The following BNC2 variants were observed in gnomAD, a reference collection of about 807,000 sequenced individuals.
BNC2 encodes the protein zinc finger protein basonuclin-2.
Under a neutral mutation model 76.3 loss-of-function variants are expected in BNC2, and 20 were observed. That is an observed-to-expected ratio of 0.26 (90% CI 0.18 to 0.38). The LOEUF (loss-of-function observed/expected upper bound fraction) is 0.38, where lower values mean the gene tolerates loss of function less well. BNC2 is among the 10% of genes least tolerant of loss of function. BNC2 has a pLI of 1.00. For missense variants in BNC2, 1,382 were observed against 1,399.8 expected, an observed-to-expected ratio of 0.99 and a Z score of 0.20; for synonymous variants, 582 against 514.8, an observed-to-expected ratio of 1.13 and a Z score of -1.77.
chr9:16,457,942 A>T (rs188779499), intron 5 of BNC2, among the ~76,000 whole-genome samples: 83 of 152,110 alleles, frequency 5.5e-4, no homozygotes, highest in African/African-American at 1.8e-3. Flanking sequence ...ACATAAAGAG[A>T]GATTCTGTGA....
intron 3 of BNC2, among the ~76,000 whole-genome samples, chr9:16,720,297 G>T (rs1824116180): frequency 6.6e-6 from 1 of 152,126 alleles, no homozygotes; most frequent in Admixed American, 6.5e-5. Context: ...AGGCAAAAAG[G>T]GCCAGTGAAA....
At chr9:16,803,114 C>T (rs1375884691) in intron 1 of BNC2, among the ~76,000 whole-genome samples, 1 of 152,126 alleles carries the variant, frequency 6.6e-6, no homozygotes, top group African/African-American at 2.4e-5. Flanking sequence ...AACATTTGGA[C>T]TTGCAGAAGG....
In BNC2 at chr9:16,864,735, G is replaced by A. The variant is rs997606362; in HGVS notation, c.3+5911C>T. ...CAGCATGCACGACAATAGTCTCGAC[G>A]CTTACTTCTTTACGGTTGCTGGGAT... On this transcript the variant is annotated intron_variant, in intron 1 of 6. Transcript: ENST00000380672. Among the ~76,000 whole-genome samples the A allele has an allele frequency of 6.6e-5, 10 of 152,152 alleles. 1 individual carries two copies. The highest frequency in any genetic ancestry group is 1.5e-4 in the Non-Finnish European group (10 of 68,026).
chr9:16,601,934 T>C (rs1208392277), intron 3 of BNC2, among the ~76,000 whole-genome samples: 2 of 152,170 alleles, frequency 1.3e-5, no homozygotes, highest in East Asian at 1.9e-4. Context: ...CCCTCCAATA[T>C]AATAAGTGCT....
At chr9:16,717,437 C>T (rs1824024633) in intron 3 of BNC2, among the ~76,000 whole-genome samples, 1 of 152,138 alleles carries the variant, frequency 6.6e-6, no homozygotes, top group African/African-American at 2.4e-5. Context: ...GTATATACTT[C>T]ATTACATTCA....
chr9:16,802,000 G>T (rs1817797379), intron 1 of BNC2, among the ~76,000 whole-genome samples: 1 of 151,954 alleles, frequency 6.6e-6, no homozygotes, highest in Non-Finnish European at 1.5e-5. Context: ...CACAGCTAAT[G>T]CATCAATTTT....
intron 5 of BNC2, among the ~76,000 whole-genome samples, chr9:16,518,278 T>C (rs1002776154): frequency 1.2e-4 from 18 of 151,892 alleles, no homozygotes; most frequent in South Asian, 4.1e-4. Context: ...ACATAAAAAA[T>C]ACAAAATTAG....
rs35475650 is a variant in BNC2, at chr9:16,738,340, GAA to G, written c.129+18_129+19del. The G allele has an allele frequency of 6.7e-5, 104 of 1,550,760 alleles. 3 individuals are homozygous for G. The South Asian group carries it at 7.1e-4, about 11-fold the overall frequency. On this transcript the variant is annotated intron_variant, in intron 2 of 6. Transcript: ENST00000380672. Reference sequence around the variant, plus strand: ...AGTGTGTCCAAGTAACTTAAAGGGGGAAAAAAAAAACCAACATACCTCAATTT... The same window carrying G: ...AGTGTGTCCAAGTAACTTAAAGGGGGAAAAAAAACCAACATACCTCAATTT...
chr9:16,457,410 A>G (rs1052929983), intron 5 of BNC2, among the ~76,000 whole-genome samples: 1 of 152,140 alleles, frequency 6.6e-6, no homozygotes, highest in Non-Finnish European at 1.5e-5. Context: ...ACGCACACCT[A>G]AGACTCACTA....
At chr9:16,564,654 G>A (rs1360414066) in intron 4 of BNC2, among the ~76,000 whole-genome samples, 2 of 152,094 alleles carry the variant, frequency 1.3e-5, no homozygotes, top group Non-Finnish European at 2.9e-5. Context: ...GTAGAACTGG[G>A]AAACTAGGCC....
At chr9:16,799,823 T>G (rs961808059) in intron 1 of BNC2, among the ~76,000 whole-genome samples, 1 of 152,170 alleles carries the variant, frequency 6.6e-6, no homozygotes. Context: ...TTGTCAGATT[T>G]TGTTTTTTCA....
intron 1 of BNC2, among the ~76,000 whole-genome samples, chr9:16,745,251 A>AAG (rs1824968250): frequency 6.6e-6 from 1 of 152,238 alleles, no homozygotes; most frequent in African/African-American, 2.4e-5. Context: ...TTCAAAGTAG[A>AAG]AGACCACAGG....
intron 3 of BNC2, among the ~76,000 whole-genome samples, chr9:16,713,536 G>C (rs1823910352): frequency 6.7e-6 from 1 of 149,144 alleles, no homozygotes; most frequent in Non-Finnish European, 1.5e-5. Context: ...GGATGTGCAG[G>C]CTTTGAAGCT....
At chr9:16,631,340 C>A (rs781165938) in intron 3 of BNC2, among the ~76,000 whole-genome samples, 1 of 152,138 alleles carries the variant, frequency 6.6e-6, no homozygotes, top group African/African-American at 2.4e-5. Flanking sequence ...AGAACCCATA[C>A]CCCCACCGAA....
chr9:16,730,609 A>G (rs940533916), intron 2 of BNC2, among the ~76,000 whole-genome samples: 1 of 152,176 alleles, frequency 6.6e-6, no homozygotes, highest in Non-Finnish European at 1.5e-5. Context: ...ATACATCCAA[A>G]TCTAGTCTGC....
chr9:16,521,580 G>C (rs1817620786), intron 5 of BNC2, among the ~76,000 whole-genome samples: 1 of 152,166 alleles, frequency 6.6e-6, no homozygotes, highest in Non-Finnish European at 1.5e-5. Context: ...CTCTTCTGAG[G>C]GAGGGGACGG....
At chr9:16,849,905 G>C (rs1413626406) in intron 1 of BNC2, among the ~76,000 whole-genome samples, 2 of 151,608 alleles carry the variant, frequency 1.3e-5, no homozygotes, top group African/African-American at 4.9e-5. Context: ...TTTTGTCAAA[G>C]ACCAGTATGA....
chr9:16,690,399 A>G (rs957985590), intron 3 of BNC2, among the ~76,000 whole-genome samples: 2 of 152,172 alleles, frequency 1.3e-5, no homozygotes, highest in African/African-American at 4.8e-5. Flanking sequence ...CAAAGTTAAA[A>G]GGAGCCGTGA....
chr9:16,865,831 T>C lies in BNC2; in HGVS notation c.3+4815A>G, dbSNP rs140912666. Among the ~76,000 whole-genome samples the C allele has an allele frequency of 9.2e-5, 14 of 152,276 alleles. No individual in the cohort carries two copies. The East Asian group carries it at 2.7e-3, about 29-fold the overall frequency. ...TAGGTTCTTACGCATTGAGTTAGAATATGGGTTCGTAACAAATGGTAAAAG... is the reference window on the plus strand; with the variant it reads ...TAGGTTCTTACGCATTGAGTTAGAACATGGGTTCGTAACAAATGGTAAAAG... On this transcript the variant is annotated intron_variant, in intron 1 of 6. Coordinates refer to ENST00000380672, the MANE Select transcript of BNC2 (RefSeq NM_017637.6).
Sources: allele counts gnomAD v4.1 joint callset (sites outside exome capture counted in the v4.1 genomes callset), GRCh38; gene constraint gnomAD v4.1.1; transcripts MANE v1.5; gene names NCBI Gene and HGNC (gene_info 2026-07-23, HGNC 2026-07-21).